The following LYPLAL1 variants were observed in gnomAD, a reference collection of about 807,000 sequenced individuals.
LYPLAL1 encodes lysophospholipase-like protein 1.
LYPLAL1 carries 23 observed loss-of-function variants against 19.7 expected under a neutral mutation model. That is an observed-to-expected ratio of 1.17 (90% CI 0.84 to 1.65). LYPLAL1 has a LOEUF of 1.65. LYPLAL1 is among the 40% of genes most tolerant of loss of function. The probability of loss-of-function intolerance (pLI) is 0.00; values close to 1 mark genes in which losing one functional copy is unlikely to be tolerated. For synonymous variants in LYPLAL1, 119 were observed against 96.3 expected (o/e 1.24, Z -1.38); for missense variants, 355 against 279.4 (o/e 1.27, Z -1.93).
chr1:219,183,835 C>T (rs1656498278), intron 2 of LYPLAL1, among the ~76,000 whole-genome samples: 1 of 151,768 alleles, frequency 6.6e-6, no homozygotes, highest in Admixed American at 6.6e-5. Flanking sequence ...ACTGTTGTTG[C>T]ACGTTTGGAT....
chr1:219,379,706 G>A, the LYPLAL1 span, among the ~76,000 whole-genome samples: 1 of 152,174 alleles, frequency 6.6e-6, no homozygotes, highest in Non-Finnish European at 1.5e-5. Flanking sequence ...GGGATGAGAA[G>A]TCCCTTTACA....
chr1:219,270,224 T>C, the LYPLAL1 span, among the ~76,000 whole-genome samples: 128 of 152,338 alleles, frequency 8.4e-4, no homozygotes, highest in South Asian at 0.018. Context: ...CATTGTCTTA[T>C]GGCCATGGAA....
the LYPLAL1 span, among the ~76,000 whole-genome samples, chr1:219,358,098 G>A: frequency 6.6e-6 from 1 of 152,132 alleles, no homozygotes; most frequent in Non-Finnish European, 1.5e-5. Context: ...TGATGCTATT[G>A]ACAAAACTCA....
At chr1:219,283,725 T>G in the LYPLAL1 span, among the ~76,000 whole-genome samples, 1 of 152,228 alleles carries the variant, frequency 6.6e-6, no homozygotes, top group Non-Finnish European at 1.5e-5. Flanking sequence ...GTTAGGTCAC[T>G]GTAAGCATTC....
At chr1:219,200,974 C>T (rs955613249) in intron 3 of LYPLAL1, among the ~76,000 whole-genome samples, 6 of 152,162 alleles carry the variant, frequency 3.9e-5, no homozygotes, top group African/African-American at 1.4e-4. Flanking sequence ...TTAAAGCCAA[C>T]GATTCTTACA....
the LYPLAL1 span, among the ~76,000 whole-genome samples, chr1:219,252,060 T>G: frequency 2.0e-5 from 3 of 152,114 alleles, no homozygotes; most frequent in Non-Finnish European, 4.4e-5. Context: ...TGAATGGGAT[T>G]GCCTTTCTGA....
At chr1:219,382,513 C>T in the LYPLAL1 span, among the ~76,000 whole-genome samples, 1 of 152,166 alleles carries the variant, frequency 6.6e-6, no homozygotes, top group African/African-American at 2.4e-5. Context: ...GCGCCCACCA[C>T]TGCGCCCGGC....
the LYPLAL1 span, among the ~76,000 whole-genome samples, chr1:219,382,391 G>A: frequency 1.3e-5 from 2 of 151,984 alleles, no homozygotes; most frequent in South Asian, 2.1e-4. Context: ...ATAGGGTCTT[G>A]CTCTGTCACC....
intron 3 of LYPLAL1, among the ~76,000 whole-genome samples, chr1:219,201,892 A>G (rs1658134401): frequency 6.6e-6 from 1 of 152,216 alleles, no homozygotes; most frequent in Non-Finnish European, 1.5e-5. Context: ...TTATTGATTC[A>G]TAGAGCAAAT....
At position 219,173,890 on chromosome 1, in the gene LYPLAL1, G is replaced by T. The variant is rs375703271; in HGVS notation, c.-1G>T. On this transcript the variant is annotated 5_prime_UTR_variant, in exon 1 of 5. Coordinates refer to ENST00000366928, the MANE Select transcript of LYPLAL1 (RefSeq NM_138794.5). Reference sequence around the variant, plus strand: ...CCGCATGACTGGCAGTGGCATCAGCGATGGCGGCTGCGTCGGGGTCGGTTC... The same window carrying T: ...CCGCATGACTGGCAGTGGCATCAGCTATGGCGGCTGCGTCGGGGTCGGTTC... 3.7e-6 allele frequency: 6 copies of T among 1,612,328 alleles called. No individual in the cohort carries two copies. Among genetic ancestry groups the T allele is most frequent in the Non-Finnish European group, 4.2e-6 (5 of 1,179,912 alleles).
At chr1:219,228,276 C>G in the LYPLAL1 span, among the ~76,000 whole-genome samples, 1 of 152,050 alleles carries the variant, frequency 6.6e-6, no homozygotes, top group Admixed American at 6.5e-5. Flanking sequence ...TTTGCTTAGC[C>G]AGAGTAGAGT....
At chr1:219,207,534 C>T (rs1208804651) in intron 3 of LYPLAL1, among the ~76,000 whole-genome samples, 1 of 151,960 alleles carries the variant, frequency 6.6e-6, no homozygotes, top group Non-Finnish European at 1.5e-5. Flanking sequence ...TGTCTCCTTG[C>T]AGAGATATTG....
chr1:219,213,087 A>C (rs990477311), downstream of LYPLAL1, among the ~76,000 whole-genome samples: 2 of 152,058 alleles, frequency 1.3e-5, no homozygotes, highest in African/African-American at 4.8e-5. Flanking sequence ...AGTATATGGT[A>C]GTAATATATT....
At chr1:219,399,137 A>C in the LYPLAL1 span, among the ~76,000 whole-genome samples, 1 of 152,150 alleles carries the variant, frequency 6.6e-6, no homozygotes, top group African/African-American at 2.4e-5. Context: ...TGTTCACCAC[A>C]GTGGTGGAAG....
chr1:219,411,296 A>C, the LYPLAL1 span, among the ~76,000 whole-genome samples: 2 of 151,694 alleles, frequency 1.3e-5, no homozygotes, highest in Non-Finnish European at 2.9e-5. Context: ...GACACCAATC[A>C]GCACTCTGTA....
chr1:219,300,420 T>A, the LYPLAL1 span, among the ~76,000 whole-genome samples: 1 of 152,014 alleles, frequency 6.6e-6, no homozygotes, highest in South Asian at 2.1e-4. Flanking sequence ...ATCTTTCCTG[T>A]CAATTTTTAA....
the LYPLAL1 span, among the ~76,000 whole-genome samples, chr1:219,307,008 A>T: frequency 4.6e-5 from 3 of 64,608 alleles, no homozygotes; most frequent in African/African-American, 1.4e-4. Flanking sequence ...ATTCCAAATG[A>T]TATATATACA....
chr1:219,202,137 T>G (rs1658159020), intron 3 of LYPLAL1, among the ~76,000 whole-genome samples: 1 of 152,214 alleles, frequency 6.6e-6, no homozygotes, highest in African/African-American at 2.4e-5. Context: ...CCTATATTCC[T>G]CACTTTGTAG....
chr1:219,297,072 A>G, the LYPLAL1 span, among the ~76,000 whole-genome samples: 1 of 152,290 alleles, frequency 6.6e-6, no homozygotes, highest in East Asian at 1.9e-4. Flanking sequence ...CTCAGAGAGA[A>G]ATTCTTTATA....
Sources: allele counts gnomAD v4.1 joint callset (sites outside exome capture counted in the v4.1 genomes callset), GRCh38; gene constraint gnomAD v4.1.1; transcripts MANE v1.5; gene names NCBI Gene and HGNC (gene_info 2026-07-23, HGNC 2026-07-21).